The following UNC80 variants were observed in gnomAD, a reference collection of about 807,000 sequenced individuals.
UNC80 encodes the protein protein unc-80 homolog.
UNC80 carries 164 observed loss-of-function variants against 384.6 expected under a neutral mutation model. The ratio of observed to expected loss-of-function variants is 0.43; its 90% CI spans 0.38 to 0.49. UNC80 has a LOEUF of 0.49. Among genes scored for constraint, UNC80 ranks in the 20% least tolerant of loss-of-function variants. UNC80 has a pLI of 0.00. For missense variants in UNC80, 3,330 were observed against 4,143.0 expected (o/e 0.80, Z 5.39); for synonymous variants, 1,486 against 1,527.8 (o/e 0.97, Z 0.64).
In UNC80 at chr2:209,997,146, T is replaced by C. The variant is rs2093495753; in HGVS notation, c.*1551T>C. 1 of 152,162 alleles carries C rather than the reference T, an allele frequency of 6.6e-6. No homozygotes were observed. Among genetic ancestry groups the C allele is most frequent in the African/African-American group, 2.4e-5 (1 of 41,430 alleles). 9.4% of individuals were successfully genotyped at this position (152,162 alleles called of 1,614,324 possible). On this transcript the variant is annotated 3_prime_UTR_variant, in exon 65 of 65. Transcript: ENST00000673920. The stretch of plus-strand genomic sequence containing the variant: ...TTATAATTTCAAATATAACTTGGGG[T>C]TATGGTCCTATTCACTAAGAGAATG...
At position 209,817,932 on chromosome 2, in the gene UNC80, G is replaced by C; in HGVS notation, c.1673G>C (p.Gly558Ala). 1 of 1,551,636 alleles carries C rather than the reference G, an allele frequency of 6.4e-7. No individual in the cohort carries two copies. The highest frequency in any genetic ancestry group is 8.7e-7 in the Non-Finnish European group (1 of 1,146,972). The change falls in exon 11 of 65, where the codon GGA (glycine) becomes GCA (alanine). Residue 558 changes from glycine (G) to alanine (A), a missense_variant. Transcript: ENST00000673920. ...CTGCCGGACCCCTCCAACAGCCATGGAGAAAACACCGTCAAGGAAGGTGGG... is the reference window on the plus strand; with the variant it reads ...CTGCCGGACCCCTCCAACAGCCATGCAGAAAACACCGTCAAGGAAGGTGGG... ...SDLPDPSNSH[G>A]ENTVKEVRSQ...
chr2:209,992,392 T>C, intron 62 of UNC80, 145 bp downstream of exon 62: 1 of 728,466 alleles, frequency 1.4e-6, no homozygotes, highest in Admixed American at 2.6e-5. Context: ...GGAGGATTGC[T>C]TGAGCCCAGG....
intron 48 of UNC80, among the ~76,000 whole-genome samples, chr2:209,955,738 T>TATATACACAC (rs1437539911): frequency 3.7e-5 from 2 of 53,550 alleles, no homozygotes; most frequent in Non-Finnish European, 3.1e-5. Flanking sequence ...TATATATATA[T>TATATACACAC]ACACACACAC....
intron 19 of UNC80, among the ~76,000 whole-genome samples, 156 bp from the exon 20 acceptor site, chr2:209,840,386 A>G (rs1214656927): frequency 6.6e-6 from 1 of 152,194 alleles, no homozygotes; most frequent in Admixed American, 6.5e-5. Flanking sequence ...AACACTGAAC[A>G]TTTTTATTCA....
At chr2:209,802,055 C>T (rs975010509) in intron 7 of UNC80, among the ~76,000 whole-genome samples, 7 of 151,754 alleles carry the variant, frequency 4.6e-5, no homozygotes, top group South Asian at 4.2e-4. Flanking sequence ...AGGTCAATGG[C>T]GATAAGCATT....
At chr2:209,884,575 T>C (rs951414158) in intron 25 of UNC80, among the ~76,000 whole-genome samples, 34 of 152,308 alleles carry the variant, frequency 2.2e-4, no homozygotes, top group African/African-American at 7.9e-4. Context: ...ACAAATGATT[T>C]TATCATAAAG....
intron 56 of UNC80, 134 bp from the exon 57 acceptor site, chr2:209,975,985 G>A (rs1467604795): frequency 1.2e-5 from 11 of 925,934 alleles, no homozygotes; most frequent in East Asian, 2.7e-5. Flanking sequence ...GAATACATAC[G>A]AAGTTTTTAG....
intron 54 of UNC80, 70 bp downstream of exon 54, chr2:209,971,027 G>GC: frequency 4.0e-6 from 6 of 1,488,626 alleles, no homozygotes; most frequent in Non-Finnish European, 4.5e-6. Flanking sequence ...TGGTGTTCTC[G>GC]TTTTTTTCTG....
chr2:209,964,516 C>T (rs548171487), intron 51 of UNC80, among the ~76,000 whole-genome samples: 14 of 152,036 alleles, frequency 9.2e-5, no homozygotes, highest in Non-Finnish European at 1.3e-4. Context: ...AGGCCGGGCG[C>T]GGTTGTTCAC....
In UNC80 at chr2:209,964,596, G is replaced by A. The variant is rs563628525; in HGVS notation, c.7806-2841G>A. Among the ~76,000 whole-genome samples, 53 of 152,170 alleles carry A rather than the reference G, an allele frequency of 3.5e-4. 1 individual carries two copies. The highest frequency in any genetic ancestry group is 3.3e-3 in the Admixed American group (50 of 15,272). ...AAGGTCAAGAGATCGAGACCATCCT[G>A]GCCAACATAGTGAAACCCTCGTCTC... On this transcript the variant is annotated intron_variant, in intron 51 of 64. Coordinates refer to ENST00000673920, the MANE Select transcript of UNC80 (RefSeq NM_001371986.1).
At chr2:209,849,390 AAAC>A (rs767454547) in intron 21 of UNC80, 58 bp from the exon 22 acceptor site, 319 of 1,528,510 alleles carry the variant, frequency 2.1e-4, no homozygotes, top group Admixed American at 6.8e-4. Flanking sequence ...AACTCTTTTT[AAAC>A]CTGTGATCCT....
At chr2:209,954,373 C>A in intron 48 of UNC80, 103 bp downstream of exon 48, 1 of 1,206,070 alleles carries the variant, frequency 8.3e-7, no homozygotes, top group African/African-American at 1.5e-5. Context: ...AAAACCCAAT[C>A]TTTATTTACA....
At position 209,839,779 on chromosome 2, in the gene UNC80, A is replaced by G. The variant is rs1259920907; in HGVS notation, c.3250+349A>G. 6.6e-6 allele frequency among the ~76,000 whole-genome samples: 1 copy of G among 152,220 alleles called. No homozygotes were observed. Among genetic ancestry groups the G allele is most frequent in the Non-Finnish European group, 1.5e-5 (1 of 68,034 alleles). ...ACTATGAATTTTATGAAGGAAATAT[A>G]CATAGTTCTACGAAAGCATGCAACA... On this transcript the variant is annotated intron_variant, in intron 19 of 64. Coordinates refer to ENST00000673920, the MANE Select transcript of UNC80 (RefSeq NM_001371986.1). The surrounding 1 kb of genome is among the most constrained non-coding windows in gnomAD (Gnocchi z 4.1).
chr2:209,951,824 T>C (rs73078990), intron 47 of UNC80, among the ~76,000 whole-genome samples: 16,278 of 152,038 alleles, frequency 0.11, 2,191 homozygotes, highest in African/African-American at 0.31. Flanking sequence ...TCTCCATTTA[T>C]GTATATGTAT....
At chr2:209,983,000 A>C (rs561268928) in intron 60 of UNC80, 3 of 152,050 alleles carry the variant, frequency 2.0e-5, no homozygotes, top group African/African-American at 7.2e-5. Context: ...ATGATCTCAC[A>C]TGAGTCAAAA....
At chr2:209,786,971 C>A (rs1318078378) in intron 5 of UNC80, among the ~76,000 whole-genome samples, 7 of 118,258 alleles carry the variant, frequency 5.9e-5, no homozygotes, top group South Asian at 2.8e-4. Context: ...TGTGGAAAAT[C>A]TACAGAAGCA....
At chr2:209,955,557 C>T (rs1010404503) in intron 48 of UNC80, among the ~76,000 whole-genome samples, 1 of 151,074 alleles carries the variant, frequency 6.6e-6, no homozygotes, top group African/African-American at 2.4e-5. Flanking sequence ...TCATGAAAGT[C>T]CCAGAAGAAT....
intron 14 of UNC80, among the ~76,000 whole-genome samples, chr2:209,828,638 T>A (rs759518437): frequency 3.3e-5 from 5 of 152,136 alleles, no homozygotes; most frequent in Admixed American, 2.0e-4. Context: ...GGAATTGCCT[T>A]CCCTAATCTG....
intron 13 of UNC80, among the ~76,000 whole-genome samples, chr2:209,823,158 G>A (rs2080261345): frequency 6.6e-6 from 1 of 152,150 alleles, no homozygotes; most frequent in Non-Finnish European, 1.5e-5. Context: ...GCCACAACTT[G>A]TACTGAGAGC....
Sources: allele counts gnomAD v4.1 joint callset (sites outside exome capture counted in the v4.1 genomes callset), GRCh38; gene constraint gnomAD v4.1.1; non-coding constraint Gnocchi (gnomAD v3.1); transcripts MANE v1.5; gene names NCBI Gene and HGNC (gene_info 2026-07-23, HGNC 2026-07-21).